IDO2: variants seen among roughly 807,000 people sequenced by gnomAD.
IDO2 encodes indoleamine 2,3-dioxygenase 2.
IDO2 carries 46 observed loss-of-function variants against 45.1 expected under a neutral mutation model. The ratio of observed to expected loss-of-function variants is 1.02; its 90% CI spans 0.80 to 1.30. The LOEUF is 1.30. Among genes scored for constraint, IDO2 ranks in the 50% most tolerant of loss-of-function variants. IDO2 has a pLI of 0.00. For missense variants in IDO2, 544 were observed against 491.8 expected (o/e 1.11, Z -1.00); for synonymous variants, 218 against 184.9 (o/e 1.18, Z -1.45).
intron 9 of IDO2, among the ~76,000 whole-genome samples, chr8:40,009,781 T>G (rs1802283035): frequency 6.6e-6 from 1 of 152,224 alleles, no homozygotes; most frequent in Non-Finnish European, 1.5e-5. Flanking sequence ...GGTGAGGCAC[T>G]GAAAGCAGAT....
chr8:39,980,080 T>A (rs1237223298), intron 4 of IDO2, among the ~76,000 whole-genome samples: 1 of 151,958 alleles, frequency 6.6e-6, no homozygotes, highest in Non-Finnish European at 1.5e-5. Context: ...TGCCTTTGCC[T>A]CCTGTGCTGG....
At chr8:40,009,998 C>G (rs1802287701) in intron 9 of IDO2, among the ~76,000 whole-genome samples, 1 of 151,806 alleles carries the variant, frequency 6.6e-6, no homozygotes, top group Non-Finnish European at 1.5e-5. Context: ...TAAAACCAAC[C>G]CTCAACTTGG....
chr8:39,995,155 T>TCTCCTCCTC (rs150056268), intron 8 of IDO2: 1 of 102,940 alleles, frequency 9.7e-6, no homozygotes, highest in Admixed American at 9.6e-5. Flanking sequence ...TTCTTCTTCT[T>TCTCCTCCTC]CTCCTCCTCC....
At chr8:40,000,215 C>A (rs1273419200) in intron 8 of IDO2, among the ~76,000 whole-genome samples, 1 of 152,024 alleles carries the variant, frequency 6.6e-6, no homozygotes, top group Non-Finnish European at 1.5e-5. Context: ...AGATTGAGAC[C>A]ATCCTGGCCA....
chr8:39,955,611 C>CT (rs1428359768), intron 2 of IDO2, among the ~76,000 whole-genome samples: 3 of 152,048 alleles, frequency 2.0e-5, no homozygotes, highest in Non-Finnish European at 4.4e-5. Context: ...GTTGAATACT[C>CT]TGACGATAGC....
intron 1 of IDO2, among the ~76,000 whole-genome samples, chr8:39,947,171 C>CAAAAAAAAAAAAAAAAAAAAAAAAAAAAA: frequency 1.2e-5 from 1 of 80,038 alleles, no homozygotes; most frequent in Non-Finnish European, 2.3e-5. Flanking sequence ...GCTAAGGTAT[C>CAAAAAAAAAAAAAAAAAAAAAAAAAAAAA]AAAAAAAAAA....
intron 1 of IDO2, among the ~76,000 whole-genome samples, chr8:39,937,965 T>G (rs967809788): frequency 5.9e-5 from 9 of 152,260 alleles, no homozygotes; most frequent in Non-Finnish European, 1.2e-4. Context: ...ATATTTGTAA[T>G]GAACTGTTTT....
chr8:39,946,760 C>G (rs1807738185), intron 1 of IDO2, among the ~76,000 whole-genome samples: 1 of 152,188 alleles, frequency 6.6e-6, no homozygotes, highest in Non-Finnish European at 1.5e-5. Flanking sequence ...TAAATTGGCT[C>G]TGTCTAGACA....
intron 8 of IDO2, among the ~76,000 whole-genome samples, chr8:39,992,838 G>C (rs958652291): frequency 6.6e-6 from 1 of 152,080 alleles, no homozygotes; most frequent in South Asian, 2.1e-4. Context: ...TTCCAGGCAC[G>C]TAGAGCCCTT....
chr8:39,954,646 TC>T (rs1235126609), intron 2 of IDO2, among the ~76,000 whole-genome samples: 4 of 135,294 alleles, frequency 3.0e-5, no homozygotes, highest in African/African-American at 1.1e-4. Flanking sequence ...TATGTCTCTC[TC>T]TCTTTTTTTT....
chr8:39,936,024 A>G (rs553481990), intron 1 of IDO2, among the ~76,000 whole-genome samples: 83 of 152,332 alleles, frequency 5.4e-4, no homozygotes, highest in African/African-American at 2.0e-3. Context: ...CCAGGGATGG[A>G]GATATTATTA....
At chr8:39,964,626 A>G (rs947099129) in intron 3 of IDO2, among the ~76,000 whole-genome samples, 1 of 152,262 alleles carries the variant, frequency 6.6e-6, no homozygotes, top group Non-Finnish European at 1.5e-5. Context: ...TGCTTTGTGC[A>G]AAGCACTAGA....
intron 3 of IDO2, among the ~76,000 whole-genome samples, chr8:39,969,673 G>A (rs1270011285): frequency 6.6e-6 from 1 of 152,130 alleles, no homozygotes; most frequent in Admixed American, 6.6e-5. Context: ...TCAGGACTTC[G>A]AGACCAGCCT....
intron 8 of IDO2, among the ~76,000 whole-genome samples, chr8:39,991,482 G>A (rs991904930): frequency 6.6e-6 from 1 of 151,986 alleles, no homozygotes; most frequent in Non-Finnish European, 1.5e-5. Flanking sequence ...CTTCCAACAG[G>A]TCCCAGTGTA....
chr8:40,004,403 G>T (rs1200388961), intron 8 of IDO2, among the ~76,000 whole-genome samples: 3 of 152,096 alleles, frequency 2.0e-5, no homozygotes, highest in East Asian at 1.9e-4. Context: ...TAGATAAATA[G>T]GTAGATAGGT....
intron 1 of IDO2, 75 bp from the exon 2 acceptor site, chr8:39,949,074 C>T (rs1656458484): frequency 1.3e-6 from 2 of 1,533,660 alleles, no homozygotes; most frequent in Admixed American, 2.0e-5. Flanking sequence ...GCGCAACTAA[C>T]TGGAACCGAA....
chr8:39,991,721 C>T (rs1801932726), intron 8 of IDO2, among the ~76,000 whole-genome samples: 1 of 152,120 alleles, frequency 6.6e-6, no homozygotes, highest in Non-Finnish European at 1.5e-5. Context: ...TAGGCATGCA[C>T]CACCATGCCC....
intron 8 of IDO2, among the ~76,000 whole-genome samples, chr8:40,003,973 A>ATT (rs67456324): frequency 0.086 from 13,117 of 152,216 alleles, 657 homozygotes; most frequent in Middle Eastern, 0.15. Flanking sequence ...ATCTATTGAA[A>ATT]TCATTTTACA....
intron 3 of IDO2, among the ~76,000 whole-genome samples, chr8:39,972,918 T>C (rs1027551516): frequency 6.6e-6 from 1 of 152,178 alleles, no homozygotes; most frequent in Non-Finnish European, 1.5e-5. Context: ...ATGTACATTG[T>C]TTTTCTAGAC....
Sources: gnomAD v4.1 joint callset for allele counts (sites outside exome capture counted in the v4.1 genomes callset) on GRCh38, gnomAD v4.1.1 for gene constraint, MANE v1.5 for transcripts, NCBI Gene and HGNC (gene_info 2026-07-23, HGNC 2026-07-21) for gene names.